The following NTRK3 variants were observed in gnomAD, a reference collection of about 807,000 sequenced individuals.
NTRK3 encodes the protein neurotrophic receptor tyrosine kinase 3.
Under a neutral mutation model 91.7 loss-of-function variants are expected in NTRK3, and 24 were observed. The ratio of observed to expected loss-of-function variants is 0.26; its 90% CI spans 0.19 to 0.37. The LOEUF is 0.37. NTRK3 is among the 10% of genes least tolerant of loss of function. The probability of loss-of-function intolerance (pLI) is 1.00; values close to 1 mark genes in which losing one functional copy is unlikely to be tolerated. For missense variants in NTRK3, 880 were observed against 1,068.9 expected (o/e 0.82, Z 2.46); for synonymous variants, 483 against 404.0 (o/e 1.20, Z -2.34).
At position 88,172,140 on chromosome 15, in the gene NTRK3, C is replaced by T. The variant is rs562890213; in HGVS notation, c.395+11278G>A. Among the ~76,000 whole-genome samples the T allele has an allele frequency of 3.3e-5, 5 of 152,334 alleles. No individual in the cohort carries two copies. In the South Asian group the frequency reaches 1.0e-3, roughly 32 times the overall value. ...AATACCACCCAGAAAGGGCAGAGGCCTCTTGGACCCAAGGCAAGCCCCAAC... is the reference window on the plus strand; with the variant it reads ...AATACCACCCAGAAAGGGCAGAGGCTTCTTGGACCCAAGGCAAGCCCCAAC... On this transcript the variant is annotated intron_variant, in intron 5 of 18. Transcript: ENST00000394480.
chr15:87,977,072 C>T (rs997723466), intron 14 of NTRK3, among the ~76,000 whole-genome samples: 13 of 152,180 alleles, frequency 8.5e-5, no homozygotes, highest in Non-Finnish European at 5.9e-5. Flanking sequence ...TTGAATCTTG[C>T]TTTCACCTCT....
In NTRK3 at chr15:87,875,999, A is replaced by G. The variant is rs1260607550; in HGVS notation, c.*936T>C. 1.7e-5 allele frequency: 4 copies of G among 232,652 alleles called. No homozygotes were observed. In the East Asian group the frequency reaches 2.4e-4, roughly 14 times the overall value. The allele number at this position is 232,652 out of a possible 1,614,324, so 14.4% of individuals were successfully genotyped here. Reference sequence around the variant, plus strand: ...ACCCCCTAAGCTTCCCAGGGGCCTGAAAGTGGGAGGTGAGGCCAAGGAATC... The same window carrying G: ...ACCCCCTAAGCTTCCCAGGGGCCTGGAAGTGGGAGGTGAGGCCAAGGAATC... On this transcript the variant is annotated 3_prime_UTR_variant, in exon 19 of 19. Coordinates refer to ENST00000394480, the Ensembl canonical transcript of NTRK3.
chr15:88,211,535 T>C (rs187294218), intron 3 of NTRK3, among the ~76,000 whole-genome samples: 5 of 152,384 alleles, frequency 3.3e-5, no homozygotes, highest in Admixed American at 3.3e-4. Context: ...CCCAGAAGAA[T>C]TGTCCATTTT....
At chr15:87,937,418 T>C (rs1269052643) in intron 15 of NTRK3, among the ~76,000 whole-genome samples, 2 of 152,166 alleles carry the variant, frequency 1.3e-5, no homozygotes, top group Non-Finnish European at 2.9e-5. Context: ...GGAAAAAGCA[T>C]AAAAACATTG....
chr15:88,181,269 C>T (rs1302455169), intron 5 of NTRK3, among the ~76,000 whole-genome samples: 1 of 152,142 alleles, frequency 6.6e-6, no homozygotes, highest in Non-Finnish European at 1.5e-5. Context: ...GTCCTCCTAC[C>T]CACAAAGCCT....
chr15:88,173,347 G>T (rs996174693), intron 5 of NTRK3, among the ~76,000 whole-genome samples: 12 of 152,166 alleles, frequency 7.9e-5, no homozygotes, highest in Admixed American at 1.3e-4. Flanking sequence ...CTATAACAGG[G>T]TGTGCCACCT....
chr15:87,967,675 C>A (rs1387671140), intron 14 of NTRK3, among the ~76,000 whole-genome samples: 3 of 152,142 alleles, frequency 2.0e-5, no homozygotes, highest in African/African-American at 7.2e-5. Context: ...TTCAATCAAC[C>A]AATAATGTTT....
At chr15:88,199,544 A>C (rs967614288) in intron 3 of NTRK3, among the ~76,000 whole-genome samples, 5 of 152,212 alleles carry the variant, frequency 3.3e-5, no homozygotes, top group Non-Finnish European at 1.5e-5. Context: ...CAAATTAGTG[A>C]AGGGAGGCCC....
At chr15:88,167,358 C>A (rs7168598) in intron 5 of NTRK3, among the ~76,000 whole-genome samples, 7,923 of 152,160 alleles carry the variant, frequency 0.052, 555 homozygotes, top group African/African-American at 0.16. Context: ...TGAGTCTCCT[C>A]CCAGGTGTTG....
chr15:87,949,396 C>T (rs921168969), intron 14 of NTRK3, among the ~76,000 whole-genome samples: 1 of 152,030 alleles, frequency 6.6e-6, no homozygotes, highest in Admixed American at 6.6e-5. Context: ...AACAGCAGGT[C>T]CCACTCTGGG....
chr15:87,911,550 T>C (rs1160635967), intron 17 of NTRK3, among the ~76,000 whole-genome samples: 8 of 152,232 alleles, frequency 5.3e-5, no homozygotes, highest in East Asian at 1.9e-4. Context: ...CCTGCAGCAC[T>C]GTGCTTCACC....
At chr15:88,026,143 T>C (rs1348941023) in intron 14 of NTRK3, among the ~76,000 whole-genome samples, 1 of 151,654 alleles carries the variant, frequency 6.6e-6, no homozygotes, top group Non-Finnish European at 1.5e-5. Flanking sequence ...TGGTGGCGGG[T>C]GCCTGTAGTC....
intron 17 of NTRK3, chr15:87,908,570 G>A (rs1346165296): frequency 2.5e-6 from 1 of 399,428 alleles, no homozygotes; most frequent in Non-Finnish European, 4.4e-6. Context: ...CTTCCTGACA[G>A]TGAATGAGGG....
intron 15 of NTRK3, among the ~76,000 whole-genome samples, chr15:87,934,514 C>T (rs904284330): frequency 6.6e-6 from 1 of 152,116 alleles, no homozygotes; most frequent in Non-Finnish European, 1.5e-5. Context: ...TCCCTGCAGC[C>T]CCATTATCTG....
chr15:88,115,579 G>A (rs1356532441), intron 13 of NTRK3, among the ~76,000 whole-genome samples: 1 of 152,198 alleles, frequency 6.6e-6, no homozygotes, highest in Non-Finnish European at 1.5e-5. Context: ...AGGTTTGCAG[G>A]GCTGCTCCAG....
chr15:87,876,619 T>C (rs1481996901), exon 19 of NTRK3: 1 of 215,462 alleles, frequency 4.6e-6, no homozygotes, highest in East Asian at 6.9e-5. Context: ...AGTTTCTGAG[T>C]TGTTAAAGTC....
chr15:87,899,947 G>A (rs1270383684), intron 17 of NTRK3, among the ~76,000 whole-genome samples: 1 of 152,098 alleles, frequency 6.6e-6, no homozygotes, highest in African/African-American at 2.4e-5. Context: ...GGAGTTGAAT[G>A]TACTCTTCAT....
At chr15:88,202,823 C>A (rs965329399) in intron 3 of NTRK3, among the ~76,000 whole-genome samples, 8 of 152,158 alleles carry the variant, frequency 5.3e-5, no homozygotes, top group African/African-American at 1.9e-4. Context: ...ACTAACAAGA[C>A]CAAAGACCAG....
intron 3 of NTRK3, among the ~76,000 whole-genome samples, chr15:88,220,395 C>G (rs1011223536): frequency 3.9e-5 from 6 of 152,050 alleles, no homozygotes; most frequent in African/African-American, 1.5e-4. Flanking sequence ...TGGGTCAGCC[C>G]CCAATGGGGC....
Sources: gnomAD v4.1 joint callset for allele counts (sites outside exome capture counted in the v4.1 genomes callset) on GRCh38, gnomAD v4.1.1 for gene constraint, MANE v1.5 for transcripts, NCBI Gene and HGNC (gene_info 2026-07-23, HGNC 2026-07-21) for gene names.